The following CSMD1 variants were observed in gnomAD, a reference collection of about 807,000 sequenced individuals.
CSMD1 encodes CUB and sushi domain-containing protein 1.
In CSMD1, 213 loss-of-function variants were observed where a neutral mutation model predicts 417.5. The observed-to-expected ratio is 0.51, with a 90% CI of 0.46 to 0.57. The LOEUF is 0.57. Among genes scored for constraint, CSMD1 ranks in the 20% least tolerant of loss-of-function variants. The pLI, the probability that CSMD1 is intolerant of heterozygous loss-of-function variation, is 0.00. For synonymous variants in CSMD1, 2,862 were observed against 1,736.8 expected (o/e 1.65, Z -16.11); for missense variants, 6,923 against 4,529.7 (o/e 1.53, Z -15.17).
At chr8:4,389,795 G>T (rs117728421) in intron 3 of CSMD1, among the ~76,000 whole-genome samples, 1 of 151,990 alleles carries the variant, frequency 6.6e-6, no homozygotes, top group Non-Finnish European at 1.5e-5. Flanking sequence ...AAAATGTAAA[G>T]CCTTACAACT....
At chr8:4,889,378 C>G (rs1056496183) in intron 1 of CSMD1, among the ~76,000 whole-genome samples, 2 of 152,088 alleles carry the variant, frequency 1.3e-5, no homozygotes, top group African/African-American at 2.4e-5. Flanking sequence ...ATAAGGAAGA[C>G]TGAGAAACCA....
intron 3 of CSMD1, among the ~76,000 whole-genome samples, chr8:4,181,774 C>A (rs1002793817): frequency 2.0e-5 from 3 of 152,054 alleles, no homozygotes; most frequent in African/African-American, 7.2e-5. Context: ...TGAAATATTA[C>A]GTATTAACGA....
At chr8:3,223,067 T>G (rs1798307545) in intron 28 of CSMD1, among the ~76,000 whole-genome samples, 1 of 152,190 alleles carries the variant, frequency 6.6e-6, no homozygotes, top group Admixed American at 6.5e-5. Flanking sequence ...AGTTCAAAAG[T>G]CAAAGTCTAA....
chr8:3,970,659 A>G (rs1186390416), intron 5 of CSMD1, among the ~76,000 whole-genome samples: 3 of 152,234 alleles, frequency 2.0e-5, no homozygotes, highest in Non-Finnish European at 2.9e-5. Context: ...ATGAACATCA[A>G]GTAGCACGTG....
intron 3 of CSMD1, among the ~76,000 whole-genome samples, chr8:4,235,190 C>CT (rs1464222765): frequency 4.6e-5 from 7 of 152,154 alleles, no homozygotes; most frequent in African/African-American, 9.7e-5. Flanking sequence ...CATCTCTCTC[C>CT]TGTCCAAACT....
At chr8:3,793,417 T>C (rs1239401869) in intron 5 of CSMD1, among the ~76,000 whole-genome samples, 1 of 152,276 alleles carries the variant, frequency 6.6e-6, no homozygotes, top group Non-Finnish European at 1.5e-5. Context: ...CTTTCAAGAA[T>C]GTTGCCACTG....
chr8:4,685,277 C>G (rs1213549015), intron 1 of CSMD1, among the ~76,000 whole-genome samples: 2 of 152,120 alleles, frequency 1.3e-5, no homozygotes, highest in African/African-American at 4.8e-5. Context: ...TGCATCATAT[C>G]AAAAACTTAA....
intron 5 of CSMD1, among the ~76,000 whole-genome samples, chr8:3,994,731 C>T (rs1691937076): frequency 6.6e-6 from 1 of 152,146 alleles, no homozygotes; most frequent in Admixed American, 6.5e-5. Context: ...ACATCATCCC[C>T]TATATTTAGA....
At chr8:4,781,871 G>A (rs768193383) in intron 1 of CSMD1, among the ~76,000 whole-genome samples, 1 of 152,164 alleles carries the variant, frequency 6.6e-6, no homozygotes, top group African/African-American at 2.4e-5. Context: ...AGAGGGTCAG[G>A]AACATGGAGT....
intron 5 of CSMD1, among the ~76,000 whole-genome samples, chr8:3,841,349 T>C (rs1283039268): frequency 6.6e-6 from 1 of 152,220 alleles, no homozygotes; most frequent in Non-Finnish European, 1.5e-5. Context: ...TTTGGACTTC[T>C]TTAACCATGC....
chr8:4,363,907 G>C (rs959239855), intron 3 of CSMD1, among the ~76,000 whole-genome samples: 1 of 152,190 alleles, frequency 6.6e-6, no homozygotes, highest in Non-Finnish European at 1.5e-5. Context: ...TCTAGAAAGG[G>C]TGTAGGGCAG....
At chr8:4,260,923 A>G (rs1803835593) in intron 3 of CSMD1, among the ~76,000 whole-genome samples, 1 of 152,152 alleles carries the variant, frequency 6.6e-6, no homozygotes, top group South Asian at 2.1e-4. Context: ...TATTTTAGTT[A>G]GTATTTACCT....
At chr8:3,317,002 T>C (rs1805815754) in intron 23 of CSMD1, among the ~76,000 whole-genome samples, 1 of 151,916 alleles carries the variant, frequency 6.6e-6, no homozygotes. Context: ...AGTGTGTGCG[T>C]GGATGAAGCA....
At chr8:3,366,941 T>C (rs1809612161) in intron 20 of CSMD1, 91 bp downstream of exon 20, 1 of 933,498 alleles carries the variant, frequency 1.1e-6, no homozygotes, top group Non-Finnish European at 1.7e-6. Context: ...ATGCACACAT[T>C]ACACACACAC....
chr8:4,432,935 C>T (rs115286607), intron 2 of CSMD1, among the ~76,000 whole-genome samples: 20 of 152,336 alleles, frequency 1.3e-4, no homozygotes, highest in African/African-American at 4.6e-4. Flanking sequence ...GTTTTCACAG[C>T]TGCTCCCCAT....
intron 3 of CSMD1, among the ~76,000 whole-genome samples, chr8:4,345,966 GA>G (rs1329698492): frequency 6.6e-6 from 1 of 152,106 alleles, no homozygotes; most frequent in African/African-American, 2.4e-5. Flanking sequence ...TCTTCATACT[GA>G]CTAGATATCA....
At chr8:4,114,105 C>G (rs1279355465) in intron 3 of CSMD1, among the ~76,000 whole-genome samples, 1 of 152,162 alleles carries the variant, frequency 6.6e-6, no homozygotes, top group Admixed American at 6.6e-5. Context: ...AAGAAGATGC[C>G]ATCTAGGACT....
intron 1 of CSMD1, among the ~76,000 whole-genome samples, chr8:4,737,408 G>A (rs764600569): frequency 6.6e-6 from 1 of 151,948 alleles, no homozygotes; most frequent in African/African-American, 2.4e-5. Context: ...TAATATCTGG[G>A]TGATGAGATA....
At chr8:4,151,961 G>T (rs1294267517) in intron 3 of CSMD1, among the ~76,000 whole-genome samples, 2 of 152,148 alleles carry the variant, frequency 1.3e-5, no homozygotes, top group Non-Finnish European at 2.9e-5. Context: ...GGAGGTGTAA[G>T]CAGTTACAAT....
Sources: allele counts gnomAD v4.1 joint callset (sites outside exome capture counted in the v4.1 genomes callset), GRCh38; gene constraint gnomAD v4.1.1; transcripts MANE v1.5; gene names NCBI Gene and HGNC (gene_info 2026-07-23, HGNC 2026-07-21).